The following FRMD4A variants were observed in gnomAD, a reference collection of about 807,000 sequenced individuals.
The protein encoded by FRMD4A is FERM domain containing 4A, also known as FERM domain-containing protein 4A.
In FRMD4A, 29 loss-of-function variants were observed where a neutral mutation model predicts 129.1. The ratio of observed to expected loss-of-function variants is 0.22; its 90% CI spans 0.17 to 0.31. The LOEUF is 0.31. Among genes scored for constraint, FRMD4A ranks in the 10% least tolerant of loss-of-function variants. FRMD4A has a pLI of 1.00. For missense variants in FRMD4A, 1,272 were observed against 1,375.8 expected, an observed-to-expected ratio of 0.92 and a Z score of 1.19; for synonymous variants, 634 against 571.6, an observed-to-expected ratio of 1.11 and a Z score of -1.56.
intron 18 of FRMD4A, among the ~76,000 whole-genome samples, chr10:13,665,401 A>G (rs2082945848): frequency 6.6e-6 from 1 of 151,858 alleles, no homozygotes; most frequent in Non-Finnish European, 1.5e-5. Flanking sequence ...AAACACACAT[A>G]CCTTTATGTG....
intron 2 of FRMD4A, among the ~76,000 whole-genome samples, chr10:14,196,045 G>T (rs975310850): frequency 7.9e-5 from 12 of 152,200 alleles, no homozygotes; most frequent in African/African-American, 9.6e-5. Context: ...GATAAGGCAA[G>T]TCAATTAAAA....
intron 3 of FRMD4A, among the ~76,000 whole-genome samples, chr10:13,822,107 A>G (rs2093638062): frequency 6.6e-6 from 1 of 152,200 alleles, no homozygotes; most frequent in South Asian, 2.1e-4. Context: ...ATATGTATGT[A>G]TCTATTTGTG....
chr10:14,154,070 A>C (rs1235973077), intron 2 of FRMD4A, among the ~76,000 whole-genome samples: 1 of 152,076 alleles, frequency 6.6e-6, no homozygotes, highest in African/African-American at 2.4e-5. Context: ...TCCCTGTCTT[A>C]AACCATCTGT....
intron 2 of FRMD4A, among the ~76,000 whole-genome samples, chr10:14,081,967 G>T (rs1281684858): frequency 6.6e-6 from 1 of 152,242 alleles, no homozygotes; most frequent in Non-Finnish European, 1.5e-5. Flanking sequence ...TACAAATACA[G>T]GTTGGGCACA....
intron 2 of FRMD4A, among the ~76,000 whole-genome samples, chr10:13,884,186 A>ACACT (rs1332081638): frequency 0.035 from 3,818 of 109,478 alleles, 212 homozygotes; most frequent in South Asian, 0.14. Context: ...TCACACACAC[A>ACACT]CACACACACT....
chr10:14,193,474 C>CACACA lies in FRMD4A; in HGVS notation c.45+136583_45+136584insTGTGT, dbSNP rs1245956897. 3.7e-5 allele frequency among the ~76,000 whole-genome samples: 5 copies of CACACA among 134,970 alleles called. No individual in the cohort carries two copies. The East Asian group carries it at 8.7e-4, about 24-fold the overall frequency. The allele number at this position is 134,970 out of a possible 152,430, so 88.5% of individuals were successfully genotyped here. On this transcript the variant is annotated intron_variant, in intron 2 of 24. Coordinates refer to ENST00000357447, the MANE Select transcript of FRMD4A (RefSeq NM_018027.5). ...TACATACATACACCCACCCACCCACCCACACACACACACACACAGAGTGTG... is the reference window on the plus strand; with the variant it reads ...TACATACATACACCCACCCACCCACCACACACACACACACACACACACAGAGTGTG...
At chr10:14,217,051 C>T (rs1843097039) in intron 2 of FRMD4A, among the ~76,000 whole-genome samples, 1 of 152,220 alleles carries the variant, frequency 6.6e-6, no homozygotes, top group African/African-American at 2.4e-5. Context: ...GGCATGGCCT[C>T]CATGGGACTG....
At chr10:14,035,429 C>A (rs372904616) in intron 2 of FRMD4A, among the ~76,000 whole-genome samples, 73 of 126,866 alleles carry the variant, frequency 5.8e-4, no homozygotes, top group Non-Finnish European at 6.2e-4. Flanking sequence ...AACAAATAAA[C>A]AAAAAAAAAA....
chr10:13,762,510 AG>A, intron 7 of FRMD4A, 113 bp downstream of exon 7: 1 of 658,396 alleles, frequency 1.5e-6, no homozygotes, highest in South Asian at 1.9e-5. Flanking sequence ...GGCTAAAAAA[AG>A]GTAAGACGAC....
chr10:14,253,567 A>T (rs1192576770), intron 2 of FRMD4A, among the ~76,000 whole-genome samples: 1 of 152,198 alleles, frequency 6.6e-6, no homozygotes, highest in Non-Finnish European at 1.5e-5. Flanking sequence ...TATCAGAAGA[A>T]CTTCATTACA....
chr10:14,329,866 C>T (rs1843442293), intron 2 of FRMD4A, among the ~76,000 whole-genome samples, 192 bp downstream of exon 2: 1 of 152,210 alleles, frequency 6.6e-6, no homozygotes, highest in South Asian at 2.1e-4. Context: ...GGCAAATCTA[C>T]AGCTTCTTTT....
At chr10:13,837,107 C>T (rs1011870157) in intron 3 of FRMD4A, among the ~76,000 whole-genome samples, 12 of 151,746 alleles carry the variant, frequency 7.9e-5, no homozygotes, top group Admixed American at 5.3e-4. Flanking sequence ...CATGGGAACA[C>T]ATGGTGAGGA....
At chr10:14,151,684 T>C (rs7900568) in intron 2 of FRMD4A, among the ~76,000 whole-genome samples, 11,918 of 152,188 alleles carry the variant, frequency 0.078, 1,584 homozygotes, top group African/African-American at 0.27. Flanking sequence ...CAGAACCTTC[T>C]GCGATGAGAG....
At chr10:13,930,641 A>G (rs758011713) in intron 2 of FRMD4A, among the ~76,000 whole-genome samples, 9 of 152,184 alleles carry the variant, frequency 5.9e-5, no homozygotes, top group Non-Finnish European at 1.3e-4. Flanking sequence ...TCTGGGGGGA[A>G]ACAGACAGAT....
intron 2 of FRMD4A, among the ~76,000 whole-genome samples, chr10:14,173,311 A>G (rs185701267): frequency 6.8e-4 from 104 of 152,314 alleles, no homozygotes; most frequent in Admixed American, 6.1e-3. Context: ...CCCCACGTTC[A>G]AAGCGTCTCT....
chr10:13,918,281 T>G (rs2797869), intron 2 of FRMD4A, among the ~76,000 whole-genome samples: 149,525 of 152,264 alleles, frequency 0.98, 73,494 homozygotes, highest in East Asian at 1. Flanking sequence ...ATACACCATT[T>G]TTGAATTAAT....
At chr10:14,327,650 G>T (rs1843330414) in intron 2 of FRMD4A, among the ~76,000 whole-genome samples, 3 of 152,174 alleles carry the variant, frequency 2.0e-5, no homozygotes, top group Non-Finnish European at 4.4e-5. Flanking sequence ...TAACCTCTGG[G>T]TGTCTCCTTA....
intron 2 of FRMD4A, among the ~76,000 whole-genome samples, chr10:14,245,408 C>T (rs1205107935): frequency 6.6e-6 from 1 of 152,198 alleles, no homozygotes; most frequent in Non-Finnish European, 1.5e-5. Context: ...AAATAAAACA[C>T]TGAGGGAGTA....
intron 2 of FRMD4A, among the ~76,000 whole-genome samples, chr10:14,030,742 CAG>C (rs1833199739): frequency 6.6e-6 from 1 of 152,212 alleles, no homozygotes; most frequent in Admixed American, 6.5e-5. Flanking sequence ...CAGTGGTTCT[CAG>C]AAGACTACAC....
Sources: gnomAD v4.1 joint callset for allele counts (sites outside exome capture counted in the v4.1 genomes callset) on GRCh38, gnomAD v4.1.1 for gene constraint, MANE v1.5 for transcripts, NCBI Gene and HGNC (gene_info 2026-07-23, HGNC 2026-07-21) for gene names.